The following GPR143 variants were observed in gnomAD, a reference collection of about 807,000 sequenced individuals.
GPR143 encodes G protein-coupled receptor 143.
GPR143 carries 8 observed loss-of-function variants against 27.6 expected under a neutral mutation model. That is an observed-to-expected ratio of 0.29 (90% CI 0.17 to 0.52). GPR143 has a LOEUF of 0.52. Ranked by LOEUF, GPR143 falls within the 20% of genes least tolerant of loss-of-function variation. The probability of loss-of-function intolerance (pLI) is 0.96; values close to 1 mark genes in which losing one functional copy is unlikely to be tolerated. For missense variants in GPR143, 303 were observed against 343.1 expected (o/e 0.88, Z 0.92); for synonymous variants, 156 against 153.2 (o/e 1.02, Z -0.13).
At chrX:9,766,003 C>A (rs949621895), upstream of GPR143, 3 of 326,608 alleles carry the variant, frequency 9.2e-6, no homozygotes, top group African/African-American at 2.7e-5. Flanking sequence ...CGAGGCCTCA[C>A]GAGGTGATGC....
At position 9,773,984 on chromosome X, in the gene GPR143, A is replaced by G. The variant is rs148497656; in HGVS notation, c.-3+12258T>C. On this transcript the variant is annotated intron_variant, in intron 1 of 7. Coordinates refer to the GPR143 transcript ENST00000447366. ...ATGAATGATGAAAATGATTTGTTCAATCAAAAGTCAGCAAACCCAGCCAGA... is the reference window on the plus strand; with the variant it reads ...ATGAATGATGAAAATGATTTGTTCAGTCAAAAGTCAGCAAACCCAGCCAGA... Among the ~76,000 whole-genome samples the G allele has an allele frequency of 6.5e-3, 718 of 110,900 alleles. 10 individuals carry two copies. The highest frequency in any genetic ancestry group is 0.022 in the African/African-American group (672 of 30,539).
chrX:9,762,391 G>GA (rs146896080), intron 1 of GPR143, among the ~76,000 whole-genome samples: 2,118 of 105,590 alleles, frequency 0.02, 23 homozygotes, highest in Middle Eastern at 0.053. Flanking sequence ...CTCCATCTGA[G>GA]AAAAAAAAAA....
chrX:9,774,777 T>A (rs1342345514), intron 1 of GPR143, among the ~76,000 whole-genome samples: 1 of 112,660 alleles, frequency 8.9e-6, no homozygotes, highest in Non-Finnish European at 1.9e-5. Context: ...GGCTTAGTGT[T>A]TGGACTTGAA....
rs1362946203 is a variant in GPR143, at chrX:9,729,559, T to C, written c.1121-3719A>G. On this transcript the variant is annotated intron_variant, in intron 8 of 8. Coordinates refer to ENST00000467482, the MANE Select transcript of GPR143 (RefSeq NM_000273.3). ...TTCAGCCTGCCTGTGCTCAGCTCAA[T>C]GAGTGCTTTCCAGCAGCCTTGAATT... Among the ~76,000 whole-genome samples, 4 of 112,381 alleles carry C rather than the reference T, an allele frequency of 3.6e-5. No individual in the cohort carries two copies. In the East Asian group the frequency reaches 8.3e-4, roughly 23 times the overall value.
At chrX:9,743,723 G>T in intron 5 of GPR143, 50 bp from the exon 6 acceptor site, 1 of 775,425 alleles carries the variant, frequency 1.3e-6, no homozygotes, top group Non-Finnish European at 2.0e-6. Context: ...TCATGTTTAC[G>T]GAGTGACAGA....
chrX:9,738,124 CAGA>C (rs2083386659), intron 8 of GPR143: 1 of 112,317 alleles, frequency 8.9e-6, no homozygotes, highest in Non-Finnish European at 1.9e-5. Flanking sequence ...AACCTTTGAG[CAGA>C]AGATCTATGC....
At chrX:9,775,231 T>A (rs1212523008) in intron 1 of GPR143, among the ~76,000 whole-genome samples, 1 of 111,802 alleles carries the variant, frequency 8.9e-6, no homozygotes, top group Non-Finnish European at 1.9e-5. Context: ...GAATGAAACA[T>A]GAGAGTCTTG....
intron 8 of GPR143, among the ~76,000 whole-genome samples, chrX:9,737,913 T>C (rs955535168): frequency 5.4e-5 from 6 of 111,073 alleles, no homozygotes; most frequent in African/African-American, 2.0e-4. Context: ...GGTGGGAGGA[T>C]TGCTTGAGCC....
Position 9,765,578 on chromosome X carries a change from G to A in GPR143, c.240C>T (p.Leu80=), listed in dbSNP as rs2086347428. Residue 80 remains leucine, a synonymous_variant, in exon 1 of 9, where the codon CTC becomes CTT. Coordinates refer to ENST00000467482, the MANE Select transcript of GPR143 (RefSeq NM_000273.3). The stretch of plus-strand genomic sequence containing the variant: ...CGCGCGCGCCCTTACCCAGGCAGCC[G>A]AGAAGGTCGCAGGCAGCGGCAGCGC... The part of the protein sequence containing the change: ...ILRAAAACDL[L]GCLGMVIRST... The A allele has an allele frequency of 9.3e-7, 1 of 1,072,716 alleles. No homozygotes were observed. The highest frequency in any genetic ancestry group is 2.4e-5 in the South Asian group (1 of 41,498). The allele number at this position is 1,072,716 out of a possible 1,213,427, so 88.4% of individuals were successfully genotyped here.
chrX:9,729,924 A>G (rs999137928), intron 8 of GPR143, among the ~76,000 whole-genome samples: 1 of 112,396 alleles, frequency 8.9e-6, no homozygotes, highest in East Asian at 2.8e-4. Flanking sequence ...CACATATATG[A>G]CAGTGGTCCC....
At chrX:9,773,626 A>G (rs1285291891) in intron 1 of GPR143, among the ~76,000 whole-genome samples, 2 of 111,398 alleles carry the variant, frequency 1.8e-5, no homozygotes, top group Non-Finnish European at 3.8e-5. Context: ...TAATCTCAGC[A>G]CTTTGGGAGG....
intron 8 of GPR143, among the ~76,000 whole-genome samples, chrX:9,731,902 T>A (rs756626712): frequency 3.6e-5 from 4 of 109,911 alleles, no homozygotes; most frequent in Non-Finnish European, 7.6e-5. Flanking sequence ...GGGAAAGTGA[T>A]GAAATTGTGA....
At chrX:9,739,290 T>A (rs1022856223) in intron 8 of GPR143, among the ~76,000 whole-genome samples, 195 bp downstream of exon 8, 7 of 111,533 alleles carry the variant, frequency 6.3e-5, no homozygotes, top group African/African-American at 1.3e-4. Context: ...CCAGGAGACA[T>A]TTGTCAATGT....
upstream of GPR143, among the ~76,000 whole-genome samples, chrX:9,769,105 G>A (rs1288838382): frequency 8.9e-6 from 1 of 112,149 alleles, no homozygotes; most frequent in Non-Finnish European, 1.9e-5. Context: ...GGATGGCGGT[G>A]CTGAATATGA....
upstream of GPR143, among the ~76,000 whole-genome samples, chrX:9,769,179 A>G (rs1185922051): frequency 8.9e-6 from 1 of 111,860 alleles, no homozygotes. Flanking sequence ...CTGTTTTTGC[A>G]TGAACCCTTC....
intron 2 of GPR143, among the ~76,000 whole-genome samples, chrX:9,760,314 A>T (rs2083490982): frequency 1.8e-5 from 2 of 111,069 alleles, no homozygotes; most frequent in African/African-American, 6.5e-5. Flanking sequence ...GTGGTCTGGA[A>T]CTCCTGGCCT....
upstream of GPR143, among the ~76,000 whole-genome samples, chrX:9,768,939 A>G (rs964410160): frequency 9.0e-6 from 1 of 111,462 alleles, no homozygotes; most frequent in Non-Finnish European, 1.9e-5. Context: ...TGGCCTCTCA[A>G]AGTGCTGGGA....
intron 3 of GPR143, among the ~76,000 whole-genome samples, chrX:9,751,386 C>T (rs1461732418): frequency 8.9e-6 from 1 of 112,553 alleles, no homozygotes; most frequent in Non-Finnish European, 1.9e-5. Flanking sequence ...GGACCATCAG[C>T]GCTGTTACTC....
chrX:9,741,588 C>T (rs1190017290), intron 6 of GPR143, 133 bp from the exon 7 acceptor site: 1 of 458,092 alleles, frequency 2.2e-6, no homozygotes, highest in Non-Finnish European at 4.0e-6. Flanking sequence ...GCCACTTCTG[C>T]AGTAAGAAAC....
Sources: gnomAD v4.1 joint callset for allele counts (sites outside exome capture counted in the v4.1 genomes callset) on GRCh38, gnomAD v4.1.1 for gene constraint, MANE v1.5 for transcripts, NCBI Gene and HGNC (gene_info 2026-07-23, HGNC 2026-07-21) for gene names.